The following ALK variants were observed in gnomAD, a reference collection of about 807,000 sequenced individuals.
The protein encoded by ALK is ALK tyrosine kinase receptor.
Under a neutral mutation model 163.1 loss-of-function variants are expected in ALK, and 74 were observed. The ratio of observed to expected loss-of-function variants is 0.45; its 90% CI spans 0.38 to 0.55. The LOEUF (loss-of-function observed/expected upper bound fraction) is 0.55. Among genes scored for constraint, ALK ranks in the 20% least tolerant of loss-of-function variants. ALK has a pLI of 0.00. For missense variants in ALK, 2,063 were observed against 2,105.3 expected, an observed-to-expected ratio of 0.98 and a Z score of 0.39; for synonymous variants, 960 against 843.2, an observed-to-expected ratio of 1.14 and a Z score of -2.40.
chr2:29,487,243 T>C (rs962687320), intron 4 of ALK, among the ~76,000 whole-genome samples: 8 of 152,184 alleles, frequency 5.3e-5, no homozygotes, highest in Admixed American at 2.0e-4. Flanking sequence ...CAGATGACCA[T>C]GTAGGGGAGC....
chr2:29,682,932 C>T (rs2148280314), intron 3 of ALK, among the ~76,000 whole-genome samples: 1 of 152,308 alleles, frequency 6.6e-6, no homozygotes, highest in East Asian at 1.9e-4. Context: ...ACACAGGGAG[C>T]TGCCACACTA....
chr2:29,269,292 C>T (rs1026606160), intron 11 of ALK, among the ~76,000 whole-genome samples: 3 of 152,192 alleles, frequency 2.0e-5, no homozygotes, highest in South Asian at 4.1e-4. Flanking sequence ...CCTCCAGTTC[C>T]ACCCTGTCAC....
At chr2:29,609,570 G>A (rs1175457578) in intron 3 of ALK, among the ~76,000 whole-genome samples, 1 of 152,136 alleles carries the variant, frequency 6.6e-6, no homozygotes, top group Non-Finnish European at 1.5e-5. Flanking sequence ...TTGCACCAAT[G>A]CAGTGATCCC....
intron 1 of ALK, among the ~76,000 whole-genome samples, chr2:29,814,639 G>A (rs527283685): frequency 2.0e-5 from 3 of 150,476 alleles, no homozygotes; most frequent in East Asian, 3.9e-4. Flanking sequence ...CAGCCTGGGC[G>A]ACACAGCAAG....
chr2:29,832,899 CT>C (rs1665457448), intron 1 of ALK, among the ~76,000 whole-genome samples: 1 of 152,176 alleles, frequency 6.6e-6, no homozygotes, highest in Non-Finnish European at 1.5e-5. Flanking sequence ...TCAGGAGAAG[CT>C]TGCTTCCTGA....
Position 29,474,502 on chromosome 2 carries a change from A to G in ALK, c.1154+57413T>C, listed in dbSNP as rs1360638247. Among the ~76,000 whole-genome samples the G allele has an allele frequency of 2.6e-5, 4 of 152,352 alleles. No individual in the cohort carries two copies. In the East Asian group the frequency reaches 7.7e-4, roughly 29 times the overall value. ...AAGCTAGCTTAAAAAAAGGAAAAATAGCAACGACGGCTGGTTGTGCTGATG... is the reference window on the plus strand; with the variant it reads ...AAGCTAGCTTAAAAAAAGGAAAAATGGCAACGACGGCTGGTTGTGCTGATG... On this transcript the variant is annotated intron_variant, in intron 4 of 28. Transcript: ENST00000389048.
chr2:29,479,568 T>G (rs1671611076), intron 4 of ALK, among the ~76,000 whole-genome samples: 1 of 152,238 alleles, frequency 6.6e-6, no homozygotes, highest in Non-Finnish European at 1.5e-5. Flanking sequence ...ATCTCAAGCA[T>G]GTGGCTTTGC....
intron 1 of ALK, among the ~76,000 whole-genome samples, chr2:29,811,105 G>A (rs556493606): frequency 3.3e-5 from 5 of 152,024 alleles, no homozygotes; most frequent in East Asian, 1.9e-4. Flanking sequence ...CTGCAGAGTC[G>A]AAAGAGATGA....
At chr2:29,470,180 C>T (rs1330161407) in intron 4 of ALK, among the ~76,000 whole-genome samples, 4 of 151,712 alleles carry the variant, frequency 2.6e-5, no homozygotes, top group Admixed American at 6.6e-5. Context: ...CAGAAAATGC[C>T]CTGATTGAAT....
At chr2:29,909,488 G>C (rs941512361) in intron 1 of ALK, among the ~76,000 whole-genome samples, 62 of 142,274 alleles carry the variant, frequency 4.4e-4, no homozygotes, top group Admixed American at 9.6e-4. Context: ...GACAGAGAGA[G>C]AGAGAGAGAG....
chr2:29,710,501 T>TGC (rs1443493571), intron 2 of ALK, among the ~76,000 whole-genome samples: 6 of 113,430 alleles, frequency 5.3e-5, no homozygotes, highest in Non-Finnish European at 9.7e-5. Flanking sequence ...TCTGTGTGCG[T>TGC]GTGTGTGTGT....
intron 1 of ALK, among the ~76,000 whole-genome samples, chr2:29,885,562 C>CAA (rs34179501): frequency 0.018 from 2,360 of 133,096 alleles, 56 homozygotes; most frequent in East Asian, 0.08. Context: ...ATGGATATGG[C>CAA]AAAAAAAAAA....
chr2:29,919,257 A>G (rs967487110), intron 1 of ALK, among the ~76,000 whole-genome samples: 48 of 152,112 alleles, frequency 3.2e-4, no homozygotes, highest in African/African-American at 1.1e-3. Flanking sequence ...AAGCAGGAAA[A>G]CCAACGATGG....
intron 4 of ALK, among the ~76,000 whole-genome samples, chr2:29,474,142 G>T (rs1317851420): frequency 1.3e-5 from 2 of 152,196 alleles, no homozygotes; most frequent in Non-Finnish European, 1.5e-5. Context: ...ATATATTGTG[G>T]TATGTTTATA....
chr2:29,772,245 A>C (rs1194466178), intron 1 of ALK, among the ~76,000 whole-genome samples: 2 of 152,242 alleles, frequency 1.3e-5, no homozygotes, highest in Non-Finnish European at 2.9e-5. Flanking sequence ...CTAAGCTAAT[A>C]TAAAAGGACA....
At chr2:29,389,733 C>T (rs1669116092) in intron 4 of ALK, among the ~76,000 whole-genome samples, 1 of 152,180 alleles carries the variant, frequency 6.6e-6, no homozygotes, top group South Asian at 2.1e-4. Flanking sequence ...TTCATGAACA[C>T]TAGCTGTCAT....
At chr2:29,216,352 G>A (rs1176008968) in intron 23 of ALK, among the ~76,000 whole-genome samples, 1 of 151,986 alleles carries the variant, frequency 6.6e-6, no homozygotes, top group African/African-American at 2.4e-5. Context: ...GCTGTGCTAG[G>A]GCCTTGAGGA....
Position 29,198,961 on chromosome 2 carries a change from CT to C in ALK, c.3939-1286del, listed in dbSNP as rs145929777. 1.2e-3 allele frequency among the ~76,000 whole-genome samples: 179 copies of C among 144,908 alleles called. 1 individual carries two copies. The highest frequency in any genetic ancestry group is 0.011 in the Middle Eastern group (3 of 280). On this transcript the variant is annotated intron_variant, in intron 26 of 28. Transcript: ENST00000389048. ...TTCAAATACTTTTATTAGTTGTTTT[CT>C]TTTTTTTTTTTTATGTAGTCTCACT...
At chr2:29,268,966 A>G (rs982744046) in intron 11 of ALK, among the ~76,000 whole-genome samples, 2 of 152,230 alleles carry the variant, frequency 1.3e-5, no homozygotes, top group African/African-American at 2.4e-5. Flanking sequence ...ATCAAACCTA[A>G]GCGCTGTAAG....
Sources: gnomAD v4.1 joint callset for allele counts (sites outside exome capture counted in the v4.1 genomes callset) on GRCh38, gnomAD v4.1.1 for gene constraint, MANE v1.5 for transcripts, NCBI Gene and HGNC (gene_info 2026-07-23, HGNC 2026-07-21) for gene names.